Variants in MBOAT2 observed in about 807,000 individuals in gnomAD.
The protein encoded by MBOAT2 is membrane bound glycerophospholipid O-acyltransferase 2.
MBOAT2 carries 28 observed loss-of-function variants against 63.4 expected under a neutral mutation model. That is an observed-to-expected ratio of 0.44 (90% CI 0.33 to 0.61). The LOEUF is 0.61. Among genes scored for constraint, MBOAT2 ranks in the 20% least tolerant of loss-of-function variants. The pLI, the probability that MBOAT2 is intolerant of heterozygous loss-of-function variation, is 0.03. For missense variants in MBOAT2, 470 were observed against 605.8 expected, an observed-to-expected ratio of 0.78 and a Z score of 2.35; for synonymous variants, 211 against 215.6, an observed-to-expected ratio of 0.98 and a Z score of 0.19.
chr2:8,955,435 T>G (rs1669145972), intron 2 of MBOAT2, among the ~76,000 whole-genome samples: 1 of 152,236 alleles, frequency 6.6e-6, no homozygotes, highest in Non-Finnish European at 1.5e-5. Context: ...CTCACTTTTA[T>G]CAACTGGATG....
intron 10 of MBOAT2, among the ~76,000 whole-genome samples, chr2:8,863,265 G>C (rs910279284): frequency 6.6e-6 from 1 of 152,154 alleles, no homozygotes; most frequent in Non-Finnish European, 1.5e-5. Context: ...AGACTGCCAG[G>C]CACTGTGAAG....
intron 2 of MBOAT2, among the ~76,000 whole-genome samples, chr2:8,948,375 A>G (rs1362230301): frequency 1.3e-5 from 2 of 152,212 alleles, no homozygotes; most frequent in Non-Finnish European, 2.9e-5. Context: ...CTCAGGGGAT[A>G]CATATGCAGT....
At chr2:8,919,604 A>C (rs994503102) in intron 3 of MBOAT2, among the ~76,000 whole-genome samples, 2 of 152,166 alleles carry the variant, frequency 1.3e-5, no homozygotes, top group African/African-American at 4.8e-5. Flanking sequence ...AGTTCTGTAC[A>C]TCTTCTGGAT....
intron 4 of MBOAT2, among the ~76,000 whole-genome samples, chr2:8,895,380 G>A (rs763600070): frequency 4.6e-5 from 7 of 152,156 alleles, no homozygotes; most frequent in Non-Finnish European, 7.3e-5. Flanking sequence ...GTTTTACAGA[G>A]TGCTGACTGG....
intron 4 of MBOAT2, among the ~76,000 whole-genome samples, chr2:8,891,911 A>G (rs1366654022): frequency 6.6e-6 from 1 of 152,250 alleles, no homozygotes; most frequent in Non-Finnish European, 1.5e-5. Flanking sequence ...AATATGAAAT[A>G]TAACTGTCCA....
At chr2:8,934,399 C>T (rs1667519110) in intron 3 of MBOAT2, among the ~76,000 whole-genome samples, 1 of 152,074 alleles carries the variant, frequency 6.6e-6, no homozygotes, top group Non-Finnish European at 1.5e-5. Context: ...TGGGACACAA[C>T]TAATTCAAAT....
At chr2:8,964,060 A>G (rs1212085801) in intron 1 of MBOAT2, among the ~76,000 whole-genome samples, 1 of 152,172 alleles carries the variant, frequency 6.6e-6, no homozygotes, top group African/African-American at 2.4e-5. Context: ...CACCTCTAGG[A>G]AGGAGGTAAT....
chr2:8,921,782 T>C (rs1666588850), intron 3 of MBOAT2, among the ~76,000 whole-genome samples: 1 of 152,220 alleles, frequency 6.6e-6, no homozygotes, highest in South Asian at 2.1e-4. Context: ...CATAATGAGT[T>C]GTTTTTCTCT....
At chr2:8,902,370 C>A (rs1426003580) in intron 4 of MBOAT2, among the ~76,000 whole-genome samples, 1 of 152,210 alleles carries the variant, frequency 6.6e-6, no homozygotes, top group Admixed American at 6.5e-5. Context: ...TTGGTGGGTT[C>A]TTGGTCAAGC....
intron 4 of MBOAT2, among the ~76,000 whole-genome samples, chr2:8,897,955 T>A (rs903461131): frequency 2.0e-5 from 3 of 152,118 alleles, no homozygotes; most frequent in African/African-American, 7.2e-5. Flanking sequence ...ACATCACGAG[T>A]AGTTCAGATA....
At chr2:8,990,325 A>T (rs1184995231) in intron 1 of MBOAT2, among the ~76,000 whole-genome samples, 1 of 152,210 alleles carries the variant, frequency 6.6e-6, no homozygotes, top group Non-Finnish European at 1.5e-5. Context: ...ACAAAATAGG[A>T]AAAGTAGTTT....
chr2:9,001,801 A>T (rs941556280), intron 1 of MBOAT2, among the ~76,000 whole-genome samples: 3 of 152,248 alleles, frequency 2.0e-5, no homozygotes, highest in Non-Finnish European at 4.4e-5. Flanking sequence ...CATAGTCAAG[A>T]AAATATTTCA....
intron 3 of MBOAT2, among the ~76,000 whole-genome samples, chr2:8,919,955 G>C (rs181810471): frequency 3.0e-4 from 46 of 151,980 alleles, no homozygotes; most frequent in African/African-American, 1.0e-3. Context: ...TTTAAAAGAT[G>C]GTGTCTCACT....
At chr2:8,873,809 G>C (rs1032973470) in intron 7 of MBOAT2, among the ~76,000 whole-genome samples, 13 of 152,116 alleles carry the variant, frequency 8.5e-5, no homozygotes, top group African/African-American at 3.1e-4. Context: ...AAAACCAAAA[G>C]AGCTATACAC....
In MBOAT2 at chr2:8,862,763, T is replaced by C. The variant is rs146957835; in HGVS notation, c.1053-41A>G. ...AACATGGAGAGCCAAGTGGAGTGAG[T>C]GACCCGAGTTTACAAAGCCTGCAAT... On this transcript the variant is annotated intron_variant, in intron 10 of 12. Transcript: ENST00000305997. This position sits in a 1 kb window ranked among gnomAD's most constrained non-coding sequence, Gnocchi z 4.3. 11,278 of 1,586,022 alleles carry C rather than the reference T, an allele frequency of 7.1e-3. 58 individuals carry two copies. Among genetic ancestry groups the C allele is most frequent in the Non-Finnish European group, 8.2e-3 (9,608 of 1,169,386 alleles).
At position 8,930,585 on chromosome 2, in the gene MBOAT2, G is replaced by T. The variant is rs139957438; in HGVS notation, c.299+12602C>A. ...AGCAGCATGATTTATAATCCTTTGG[G>T]TATATACCCAGTAATGGGACGGCTG... On this transcript the variant is annotated intron_variant, in intron 3 of 12. Coordinates refer to ENST00000305997, the MANE Select transcript of MBOAT2 (RefSeq NM_138799.4). Among the ~76,000 whole-genome samples, 457 of 152,006 alleles carry T rather than the reference G, an allele frequency of 3.0e-3. 9 individuals are homozygous for T. The East Asian group carries it at 0.034, about 11-fold the overall frequency.
chr2:8,928,809 G>A (rs920168592), intron 3 of MBOAT2, among the ~76,000 whole-genome samples: 5 of 152,090 alleles, frequency 3.3e-5, no homozygotes, highest in African/African-American at 4.8e-5. Flanking sequence ...GAAAGACCCC[G>A]TATGCTCTTG....
intron 4 of MBOAT2, among the ~76,000 whole-genome samples, chr2:8,904,491 T>C (rs771335350): frequency 6.6e-6 from 1 of 151,888 alleles, no homozygotes; most frequent in East Asian, 1.9e-4. Context: ...TTAAATTTTT[T>C]GTAGAGATGG....
intron 1 of MBOAT2, among the ~76,000 whole-genome samples, chr2:8,982,489 G>A (rs1671267964): frequency 6.6e-6 from 1 of 152,182 alleles, no homozygotes; most frequent in African/African-American, 2.4e-5. Flanking sequence ...CCTTCCGTCT[G>A]TAATCACTTT....
Sources: allele counts gnomAD v4.1 joint callset (sites outside exome capture counted in the v4.1 genomes callset), GRCh38; gene constraint gnomAD v4.1.1; non-coding constraint Gnocchi (gnomAD v3.1); transcripts MANE v1.5; gene names NCBI Gene and HGNC (gene_info 2026-07-23, HGNC 2026-07-21).